PARVA: variants seen among roughly 807,000 people sequenced by gnomAD.
The protein encoded by PARVA is parvin alpha, also known as alpha-parvin.
PARVA carries 25 observed loss-of-function variants against 52.6 expected under a neutral mutation model. That is an observed-to-expected ratio of 0.48 (90% CI 0.35 to 0.66). PARVA has a LOEUF of 0.66. PARVA is among the 30% of genes least tolerant of loss of function. The pLI, the probability that PARVA is intolerant of heterozygous loss-of-function variation, is 0.01. For missense variants in PARVA, 373 were observed against 450.9 expected (o/e 0.83, Z 1.56); for synonymous variants, 185 against 179.1 (o/e 1.03, Z -0.26).
At chr11:12,453,626 T>C (rs1589963241) in intron 1 of PARVA, among the ~76,000 whole-genome samples, 1 of 152,218 alleles carries the variant, frequency 6.6e-6, no homozygotes, top group Admixed American at 6.5e-5. Context: ...TGGGTTTTAT[T>C]GATGTGCACA....
intron 5 of PARVA, among the ~76,000 whole-genome samples, chr11:12,503,009 C>T (rs2135066283): frequency 6.6e-6 from 1 of 152,202 alleles, no homozygotes; most frequent in Non-Finnish European, 1.5e-5. Flanking sequence ...CCTCTGTGCA[C>T]CTCACTGAGT....
At chr11:12,523,100 T>C (rs1026439816) in intron 12 of PARVA, among the ~76,000 whole-genome samples, 2 of 152,084 alleles carry the variant, frequency 1.3e-5, no homozygotes, top group Non-Finnish European at 2.9e-5. Context: ...TATGTCATAT[T>C]TAAAAAAAAT....
At chr11:12,422,468 G>A (rs983233315) in intron 1 of PARVA, among the ~76,000 whole-genome samples, 1 of 152,234 alleles carries the variant, frequency 6.6e-6, no homozygotes, top group Non-Finnish European at 1.5e-5. Flanking sequence ...CAGTAGTTGA[G>A]TGGGCTTGTC....
chr11:12,445,890 G>A (rs1940539050), intron 1 of PARVA, among the ~76,000 whole-genome samples: 1 of 152,166 alleles, frequency 6.6e-6, no homozygotes, highest in Non-Finnish European at 1.5e-5. Context: ...TATGGTCAGT[G>A]TATCCCTATA....
At chr11:12,377,848 C>A in intron 1 of PARVA, 65 bp downstream of exon 1, 2 of 1,286,570 alleles carry the variant, frequency 1.6e-6, no homozygotes, top group East Asian at 3.3e-5. Flanking sequence ...GCCGAGGGGC[C>A]GGGGCACTGG....
intron 1 of PARVA, among the ~76,000 whole-genome samples, 194 bp downstream of exon 1, chr11:12,377,977 G>A (rs532612221): frequency 3.4e-5 from 5 of 148,296 alleles, no homozygotes; most frequent in African/African-American, 1.2e-4. Context: ...CCCGGGGCTC[G>A]CGGGCCATCG....
intron 1 of PARVA, among the ~76,000 whole-genome samples, chr11:12,397,539 G>A (rs1699823695): frequency 6.6e-6 from 1 of 152,218 alleles, no homozygotes; most frequent in Non-Finnish European, 1.5e-5. Flanking sequence ...AAAAGGAAAT[G>A]ATAGAGAAGA....
chr11:12,475,144 A>C (rs1469964782), intron 3 of PARVA, among the ~76,000 whole-genome samples: 1 of 152,272 alleles, frequency 6.6e-6, no homozygotes, highest in East Asian at 1.9e-4. Flanking sequence ...CTACCCAGCA[A>C]CACAAGGATG....
At chr11:12,526,133 T>A (rs1378026646) in intron 12 of PARVA, among the ~76,000 whole-genome samples, 1 of 152,160 alleles carries the variant, frequency 6.6e-6, no homozygotes, top group Non-Finnish European at 1.5e-5. Context: ...AGTACTTGGG[T>A]GATGGGCACA....
At position 12,495,435 on chromosome 11, in the gene PARVA, T is replaced by G. The variant is rs543104212; in HGVS notation, c.401-1023T>G. Among the ~76,000 whole-genome samples, 6 of 152,346 alleles carry G rather than the reference T, an allele frequency of 3.9e-5. No individual in the cohort carries two copies. In the East Asian group the frequency reaches 9.6e-4, roughly 24 times the overall value. On this transcript the variant is annotated intron_variant, in intron 4 of 12. Coordinates refer to ENST00000334956, the MANE Select transcript of PARVA (RefSeq NM_018222.5). ...AAAATTTAACTTGTATAGCAGCCCT[T>G]AAAAATTAGGAGAAAAGATATTTTA...
Position 12,518,505 on chromosome 11 carries a change from C to A in PARVA, c.1030C>A (p.Pro344Thr). 1 of 1,613,104 alleles carries A rather than the reference C, an allele frequency of 6.2e-7. No homozygotes were observed. The highest frequency in any genetic ancestry group is 1.3e-5 in the African/African-American group (1 of 75,024). The change falls in exon 12 of 13, where the codon CCG (proline) becomes ACG (threonine). Residue 344 changes from proline to threonine, a missense_variant. By Grantham distance (38) the Pro-to-Thr change is conservative. Coordinates refer to ENST00000334956, the MANE Select transcript of PARVA (RefSeq NM_018222.5). ...MQDGGLEKPK[P>T]RPEDIVNCDL... ...AGATGGAGGGTTGGAAAAGCCAAAA[C>A]CGCGGCCAGAAGGTACTTTGCTCTT...
intron 1 of PARVA, among the ~76,000 whole-genome samples, chr11:12,432,210 G>A (rs2134995161): frequency 6.6e-6 from 1 of 152,092 alleles, no homozygotes; most frequent in Admixed American, 6.5e-5. Context: ...GAAAAATATT[G>A]CTCACACATG....
At chr11:12,490,578 G>A (rs1055167031) in intron 4 of PARVA, among the ~76,000 whole-genome samples, 3 of 151,592 alleles carry the variant, frequency 2.0e-5, no homozygotes, top group South Asian at 2.1e-4. Context: ...AACTGAGAGG[G>A]TTTATTACCA....
intron 1 of PARVA, among the ~76,000 whole-genome samples, chr11:12,416,573 C>T (rs1004350762): frequency 1.3e-5 from 2 of 152,124 alleles, no homozygotes; most frequent in Non-Finnish European, 2.9e-5. Flanking sequence ...CCGACTCCAG[C>T]GCCATCTGCC....
chr11:12,439,481 G>A (rs1449961808), intron 1 of PARVA, among the ~76,000 whole-genome samples: 1 of 152,172 alleles, frequency 6.6e-6, no homozygotes, highest in African/African-American at 2.4e-5. Context: ...GTGATAATGG[G>A]AGCATGAAGT....
At chr11:12,442,772 TA>T in intron 1 of PARVA, among the ~76,000 whole-genome samples, 1 of 151,896 alleles carries the variant, frequency 6.6e-6, no homozygotes, top group East Asian at 1.9e-4. Flanking sequence ...CTGCTACACA[TA>T]AAATAAATGA....
intron 1 of PARVA, among the ~76,000 whole-genome samples, chr11:12,460,044 G>A (rs149409821): frequency 2.0e-5 from 3 of 152,296 alleles, no homozygotes; most frequent in Admixed American, 6.5e-5. Context: ...CTGGCTTTAC[G>A]TGGGAATGCA....
At chr11:12,381,496 A>G (rs1045770936) in intron 1 of PARVA, among the ~76,000 whole-genome samples, 2 of 152,220 alleles carry the variant, frequency 1.3e-5, no homozygotes, top group African/African-American at 4.8e-5. Flanking sequence ...ATGGAAAGAT[A>G]TAATACTTGT....
Position 12,508,614 on chromosome 11 carries a change from A to T in PARVA, c.688A>T (p.Ile230Phe), listed in dbSNP as rs1311794482. Residue 230 changes from isoleucine to phenylalanine, a missense_variant, in exon 7 of 13, where the codon ATC (isoleucine) becomes TTC (phenylalanine). Ile to Phe is a conservative substitution (Grantham distance 21, BLOSUM62 0). Coordinates refer to ENST00000334956, the MANE Select transcript of PARVA (RefSeq NM_018222.5). ...KREGILQSRQ[I>F]QEEITGNTEA... ...AGAAGGAATCCTCCAGTCTCGGCAAATCCAAGAGGAAATAACTGGTAACAC... is the reference window on the plus strand; with the variant it reads ...AGAAGGAATCCTCCAGTCTCGGCAATTCCAAGAGGAAATAACTGGTAACAC... 2.5e-6 allele frequency: 4 copies of T among 1,610,004 alleles called. No homozygotes were observed. In the African/African-American group the frequency reaches 4.0e-5, roughly 16 times the overall value.
Sources: gnomAD v4.1 joint callset for allele counts (sites outside exome capture counted in the v4.1 genomes callset) on GRCh38, gnomAD v4.1.1 for gene constraint, MANE v1.5 for transcripts, NCBI Gene and HGNC (gene_info 2026-07-23, HGNC 2026-07-21) for gene names.